The following ASIC2 variants were observed in gnomAD, a reference collection of about 807,000 sequenced individuals.
ASIC2 encodes the protein acid sensing ion channel subunit 2.
ASIC2 carries 25 observed loss-of-function variants against 57.3 expected under a neutral mutation model. That is an observed-to-expected ratio of 0.44 (90% CI 0.32 to 0.61). The LOEUF is 0.61. Among genes scored for constraint, ASIC2 ranks in the 20% least tolerant of loss-of-function variants. The pLI, the probability that ASIC2 is intolerant of heterozygous loss-of-function variation, is 0.06. For missense variants in ASIC2, 641 were observed against 738.1 expected (o/e 0.87, Z 1.52); for synonymous variants, 319 against 307.5 (o/e 1.04, Z -0.39).
chr17:33,953,892 T>C (rs552950255), intron 1 of ASIC2, among the ~76,000 whole-genome samples: 24 of 152,310 alleles, frequency 1.6e-4, no homozygotes, highest in African/African-American at 5.3e-4. Flanking sequence ...TAGAGAGCTC[T>C]GAATGTGAGG....
At chr17:33,459,608 C>T (rs1912567553) in intron 1 of ASIC2, among the ~76,000 whole-genome samples, 1 of 152,230 alleles carries the variant, frequency 6.6e-6, no homozygotes, top group South Asian at 2.1e-4. Flanking sequence ...AGCAATATCC[C>T]TCCTTGCAGG....
intron 1 of ASIC2, among the ~76,000 whole-genome samples, chr17:34,060,411 C>T (rs1409318127): frequency 1.3e-5 from 2 of 152,208 alleles, no homozygotes; most frequent in Admixed American, 1.3e-4. Context: ...AGAAAATCAA[C>T]TCTGGTAATA....
chr17:33,882,123 A>G (rs1914715465), intron 1 of ASIC2, among the ~76,000 whole-genome samples: 1 of 152,244 alleles, frequency 6.6e-6, no homozygotes, highest in Non-Finnish European at 1.5e-5. Flanking sequence ...GATGGATTAA[A>G]GACTTAAATG....
chr17:33,530,138 G>C (rs1262409638), intron 1 of ASIC2: 1 of 152,196 alleles, frequency 6.6e-6, no homozygotes, highest in East Asian at 1.9e-4. Context: ...TAGATGTCCT[G>C]TTTCTTGGCC....
At chr17:33,413,912 T>C (rs1910747636) in intron 1 of ASIC2, among the ~76,000 whole-genome samples, 1 of 152,334 alleles carries the variant, frequency 6.6e-6, no homozygotes, top group African/African-American at 2.4e-5. Flanking sequence ...ATGCAAGCTC[T>C]GCAGGGGCAA....
At chr17:34,101,016 T>C (rs777966737) in intron 1 of ASIC2, among the ~76,000 whole-genome samples, 35 of 152,214 alleles carry the variant, frequency 2.3e-4, no homozygotes, top group Admixed American at 5.9e-4. Flanking sequence ...ACCTACTTCA[T>C]AGAGTTTCTG....
intron 1 of ASIC2, among the ~76,000 whole-genome samples, chr17:33,579,286 C>CAAAAAAAAA (rs71362894): frequency 9.6e-6 from 1 of 103,686 alleles, no homozygotes; most frequent in African/African-American, 3.8e-5. Context: ...AACTGTGTCT[C>CAAAAAAAAA]AAAAAAAAAA....
intron 1 of ASIC2, among the ~76,000 whole-genome samples, chr17:33,137,869 A>G (rs573448459): frequency 2.6e-5 from 4 of 152,272 alleles, no homozygotes; most frequent in Middle Eastern, 3.4e-3. Context: ...CTATTTTTCA[A>G]ATTGTAATCT....
In ASIC2 at chr17:34,013,155, G is replaced by A. The variant is rs192406535; in HGVS notation, c.555+142823C>T. On this transcript the variant is annotated intron_variant, in intron 1 of 9. Transcript: ENST00000359872. ...CCAGGCAAAGAAAGGAAGGATAGACGGGGGCCAACTGGCAGTGGAATCCTG... is the reference window on the plus strand; with the variant it reads ...CCAGGCAAAGAAAGGAAGGATAGACAGGGGCCAACTGGCAGTGGAATCCTG... Among the ~76,000 whole-genome samples, 140 of 152,286 alleles carry A rather than the reference G, an allele frequency of 9.2e-4. 1 individual carries two copies. Among genetic ancestry groups the A allele is most frequent in the African/African-American group, 2.9e-3 (122 of 41,564 alleles).
chr17:33,225,112 C>T (rs1040884496), intron 1 of ASIC2, among the ~76,000 whole-genome samples: 4 of 152,178 alleles, frequency 2.6e-5, no homozygotes, highest in African/African-American at 7.2e-5. Context: ...GGCAGACCAG[C>T]GTTCTATCAA....
chr17:33,744,333 A>G lies in ASIC2; in HGVS notation c.555+411645T>C, dbSNP rs920962661. On this transcript the variant is annotated intron_variant, in intron 1 of 9. Transcript: ENST00000359872. ...TGTTGTTGAAAACAGCAAAGCAAGCATCTAGTAATTAGTGGAAGTTAAAGA... is the reference window on the plus strand; with the variant it reads ...TGTTGTTGAAAACAGCAAAGCAAGCGTCTAGTAATTAGTGGAAGTTAAAGA... Among the ~76,000 whole-genome samples the G allele has an allele frequency of 1.8e-4, 27 of 152,202 alleles. 1 individual carries two copies. Among genetic ancestry groups the G allele is most frequent in the Non-Finnish European group, 3.5e-4 (24 of 68,028 alleles).
At chr17:33,987,716 G>T (rs1905868932) in intron 1 of ASIC2, among the ~76,000 whole-genome samples, 1 of 152,158 alleles carries the variant, frequency 6.6e-6, no homozygotes. Flanking sequence ...TTAGGTGAAA[G>T]TGCCAAGGAA....
intron 1 of ASIC2, among the ~76,000 whole-genome samples, chr17:34,087,366 C>T (rs1450120333): frequency 3.3e-5 from 5 of 151,882 alleles, no homozygotes; most frequent in Non-Finnish European, 7.4e-5. Context: ...TGAATATTGG[C>T]CCCCACTCTC....
rs370979490 is a variant in ASIC2, at chr17:34,032,076, T to G, written c.555+123902A>C. ...ACATAATTGTCAGATGAACCAAAGT[T>G]GGAATGAAGGAAAAAATGATCAGGG... On this transcript the variant is annotated intron_variant, in intron 1 of 9. Transcript: ENST00000359872. Among the ~76,000 whole-genome samples, 176 of 152,188 alleles carry G rather than the reference T, an allele frequency of 1.2e-3. 1 individual carries two copies. Among genetic ancestry groups the G allele is most frequent in the African/African-American group, 3.9e-3 (161 of 41,524 alleles).
chr17:33,447,201 A>T (rs577311720), intron 1 of ASIC2, among the ~76,000 whole-genome samples: 4 of 152,272 alleles, frequency 2.6e-5, no homozygotes, highest in African/African-American at 9.6e-5. Context: ...AGTTGTCTGC[A>T]ATTGAACGGT....
intron 1 of ASIC2, among the ~76,000 whole-genome samples, chr17:33,258,880 C>G (rs1909178605): frequency 6.6e-6 from 1 of 152,186 alleles, no homozygotes; most frequent in African/African-American, 2.4e-5. Context: ...TTGCTATGAA[C>G]ATGCACAGTG....
At chr17:33,605,419 A>T (rs558742262) in intron 1 of ASIC2, among the ~76,000 whole-genome samples, 14 of 152,366 alleles carry the variant, frequency 9.2e-5, no homozygotes, top group African/African-American at 2.9e-4. Flanking sequence ...ATTCTGAATT[A>T]TAGAGAACTT....
intron 1 of ASIC2, among the ~76,000 whole-genome samples, chr17:33,466,635 T>C (rs961364363): frequency 2.0e-4 from 30 of 152,154 alleles, no homozygotes; most frequent in Non-Finnish European, 3.7e-4. Context: ...ATGGTACTGG[T>C]ACCAAAACAG....
intron 1 of ASIC2, among the ~76,000 whole-genome samples, chr17:34,080,033 T>C (rs945693400): frequency 6.6e-6 from 1 of 152,192 alleles, no homozygotes; most frequent in Non-Finnish European, 1.5e-5. Context: ...CCTGAGCTGA[T>C]GGCTTCTACA....
Sources: allele counts gnomAD v4.1 joint callset (sites outside exome capture counted in the v4.1 genomes callset), GRCh38; gene constraint gnomAD v4.1.1; transcripts MANE v1.5; gene names NCBI Gene and HGNC (gene_info 2026-07-23, HGNC 2026-07-21).